The following LRRTM4 variants were observed in gnomAD, a reference collection of about 807,000 sequenced individuals.
The protein encoded by LRRTM4 is leucine rich repeat transmembrane neuronal 4.
LRRTM4 carries 25 observed loss-of-function variants against 47.6 expected under a neutral mutation model. The ratio of observed to expected loss-of-function variants is 0.53; its 90% CI spans 0.38 to 0.73. LRRTM4 has a LOEUF of 0.73. LRRTM4 is among the 30% of genes least tolerant of loss of function. LRRTM4 has a pLI of 0.00. For synonymous variants in LRRTM4, 311 were observed against 269.5 expected (o/e 1.15, Z -1.51); for missense variants, 638 against 713.4 (o/e 0.89, Z 1.20).
intron 3 of LRRTM4, among the ~76,000 whole-genome samples, chr2:76,897,450 T>C (rs1442252112): frequency 6.6e-6 from 1 of 152,280 alleles, no homozygotes; most frequent in East Asian, 1.9e-4. Flanking sequence ...AATTTTCTCA[T>C]GCATAGTTTA....
chr2:76,916,005 T>C (rs1046053371), intron 3 of LRRTM4, among the ~76,000 whole-genome samples: 1 of 151,948 alleles, frequency 6.6e-6, no homozygotes, highest in Admixed American at 6.6e-5. Context: ...ATCAGCACAT[T>C]TGAAGATAAA....
intron 3 of LRRTM4, among the ~76,000 whole-genome samples, chr2:76,921,940 T>G: frequency 6.6e-6 from 1 of 152,210 alleles, no homozygotes; most frequent in Admixed American, 6.5e-5. Context: ...TGAAGAGATA[T>G]TTGCATTTTC....
chr2:76,754,772 G>A (rs547804448), intron 3 of LRRTM4, among the ~76,000 whole-genome samples: 2 of 152,118 alleles, frequency 1.3e-5, no homozygotes, highest in Non-Finnish European at 2.9e-5. Flanking sequence ...GTGACATTAT[G>A]TGAGTTCCAG....
intron 3 of LRRTM4, among the ~76,000 whole-genome samples, chr2:77,038,466 A>G (rs966123870): frequency 2.6e-5 from 4 of 151,652 alleles, no homozygotes; most frequent in East Asian, 1.9e-4. Flanking sequence ...GAAAAATTAT[A>G]AAGTACTGTT....
chr2:76,817,377 A>G (rs1041596895), intron 3 of LRRTM4, among the ~76,000 whole-genome samples: 1 of 151,972 alleles, frequency 6.6e-6, no homozygotes, highest in Non-Finnish European at 1.5e-5. Flanking sequence ...TAAGGAAGTA[A>G]AAGACAAAAC....
At chr2:76,988,200 A>AT (rs1328606152) in intron 3 of LRRTM4, among the ~76,000 whole-genome samples, 9 of 151,712 alleles carry the variant, frequency 5.9e-5, no homozygotes, top group South Asian at 2.1e-4. Flanking sequence ...TCGTCTTCCT[A>AT]TTTTTTTGTC....
At chr2:77,426,388 C>T (rs1675106482) in intron 3 of LRRTM4, among the ~76,000 whole-genome samples, 1 of 152,184 alleles carries the variant, frequency 6.6e-6, no homozygotes, top group African/African-American at 2.4e-5. Context: ...ATAATTCCAT[C>T]ACATTGATCA....
intron 3 of LRRTM4, among the ~76,000 whole-genome samples, chr2:77,123,141 T>G (rs1171721607): frequency 1.3e-5 from 2 of 151,192 alleles, no homozygotes; most frequent in Non-Finnish European, 2.9e-5. Flanking sequence ...AATAGATCAG[T>G]TGACGCAAGA....
intron 3 of LRRTM4, among the ~76,000 whole-genome samples, chr2:76,918,655 A>G (rs1455855889): frequency 6.6e-6 from 1 of 152,186 alleles, no homozygotes; most frequent in East Asian, 1.9e-4. Flanking sequence ...TTGGTGGCCT[A>G]GTTAACAGCC....
At chr2:76,816,528 G>A (rs1255723921) in intron 3 of LRRTM4, among the ~76,000 whole-genome samples, 1 of 151,742 alleles carries the variant, frequency 6.6e-6, no homozygotes, top group Non-Finnish European at 1.5e-5. Context: ...CTATAGAAGT[G>A]GAACATGGAA....
chr2:76,800,184 A>C (rs925060401), intron 3 of LRRTM4, among the ~76,000 whole-genome samples: 3 of 147,250 alleles, frequency 2.0e-5, no homozygotes, highest in South Asian at 4.3e-4. Flanking sequence ...GAGGCATCAC[A>C]CTCCCTGACT....
intron 3 of LRRTM4, among the ~76,000 whole-genome samples, chr2:76,955,291 A>G (rs1170082604): frequency 1.3e-5 from 2 of 151,882 alleles, no homozygotes; most frequent in Non-Finnish European, 2.9e-5. Flanking sequence ...ATTGACACAC[A>G]ATATAAAAAA....
intron 3 of LRRTM4, among the ~76,000 whole-genome samples, chr2:76,990,404 A>G (rs1921624): frequency 0.99 from 150,681 of 151,800 alleles, 74,785 homozygotes; most frequent in Middle Eastern, 1. Context: ...CTGTCTTTAA[A>G]AGACTCATCT....
At chr2:76,790,379 A>G (rs1235068543) in intron 3 of LRRTM4, among the ~76,000 whole-genome samples, 1 of 152,074 alleles carries the variant, frequency 6.6e-6, no homozygotes. Flanking sequence ...TTTCAGTTGG[A>G]AAGATCTTGA....
chr2:77,009,529 T>C (rs1234555568), intron 3 of LRRTM4: 1 of 152,122 alleles, frequency 6.6e-6, no homozygotes, highest in African/African-American at 2.4e-5. Context: ...CATTTTCAAG[T>C]GCCAAAAGGT....
chr2:76,954,003 G>T (rs536890436), intron 3 of LRRTM4, among the ~76,000 whole-genome samples: 4 of 151,808 alleles, frequency 2.6e-5, no homozygotes, highest in Non-Finnish European at 4.4e-5. Flanking sequence ...GAGAAACTAC[G>T]TGCACAAGCC....
chr2:77,460,154 C>G (rs1230179106), intron 3 of LRRTM4, among the ~76,000 whole-genome samples: 1 of 152,140 alleles, frequency 6.6e-6, no homozygotes, highest in African/African-American at 2.4e-5. Context: ...CTGATCAACA[C>G]ACATTTTGTA....
intron 3 of LRRTM4, among the ~76,000 whole-genome samples, chr2:76,832,100 G>C (rs1671369994): frequency 6.6e-6 from 1 of 152,016 alleles, no homozygotes; most frequent in South Asian, 2.1e-4. Flanking sequence ...CCTACTTTCT[G>C]AACATTCACT....
At position 77,510,084 on chromosome 2, in the gene LRRTM4, T is replaced by A. The variant is rs1399981072; in HGVS notation, c.1551+8234A>T. ...TGTGTATTTACATTGTTTCTTTAAG[T>A]CTTATTAGAAACAATTGACAAGAGT... On this transcript the variant is annotated intron_variant, in intron 3 of 3. Coordinates refer to ENST00000409884, the MANE Select transcript of LRRTM4 (RefSeq NM_001134745.3). Among the ~76,000 whole-genome samples, 4 of 152,160 alleles carry A rather than the reference T, an allele frequency of 2.6e-5. No individual in the cohort carries two copies. In the East Asian group the frequency reaches 7.7e-4, roughly 29 times the overall value.
Sources: allele counts gnomAD v4.1 joint callset (sites outside exome capture counted in the v4.1 genomes callset), GRCh38; gene constraint gnomAD v4.1.1; transcripts MANE v1.5; gene names NCBI Gene and HGNC (gene_info 2026-07-23, HGNC 2026-07-21).